GK: variants seen among roughly 807,000 people sequenced by gnomAD.
GK encodes the protein ATP:glycerol 3-phosphotransferase.
GK carries 9 observed loss-of-function variants against 56.4 expected under a neutral mutation model. That is an observed-to-expected ratio of 0.16 (90% CI 0.10 to 0.28). The LOEUF (loss-of-function observed/expected upper bound fraction) is 0.28, where lower values mean the gene tolerates loss of function less well. Among genes scored for constraint, GK ranks in the 10% least tolerant of loss-of-function variants. GK has a pLI of 1.00. For synonymous variants in GK, 104 were observed against 144.1 expected, an observed-to-expected ratio of 0.72 and a Z score of 1.99; for missense variants, 161 against 431.4, an observed-to-expected ratio of 0.37 and a Z score of 5.55.
At chrX:30,712,489 TAATA>T (rs1936373180) in intron 13 of GK, among the ~76,000 whole-genome samples, 1 of 110,729 alleles carries the variant, frequency 9.0e-6, no homozygotes, top group African/African-American at 3.3e-5. Flanking sequence ...TCATCTTATT[TAATA>T]TTTTCATTTC....
chrX:30,688,047 T>TAAATA (rs1934718836), intron 4 of GK, among the ~76,000 whole-genome samples: 1 of 112,147 alleles, frequency 8.9e-6, no homozygotes, highest in South Asian at 3.7e-4. Context: ...AGAGACCATC[T>TAAATA]AGTCCAGCCT....
chrX:30,726,986 A>G (rs1451724463), intron 19 of GK, among the ~76,000 whole-genome samples: 1 of 112,670 alleles, frequency 8.9e-6, no homozygotes, highest in Admixed American at 9.4e-5. Flanking sequence ...ACCAAATTCT[A>G]TTAAAAAAAT....
chrX:30,672,774 A>C (rs966007264), intron 3 of GK, among the ~76,000 whole-genome samples: 1 of 111,365 alleles, frequency 9.0e-6, no homozygotes, highest in Admixed American at 9.5e-5. Context: ...AGATCGCGCC[A>C]CTGCACTCCA....
At chrX:30,697,078 T>C (rs1935286136) in intron 8 of GK, among the ~76,000 whole-genome samples, 2 of 112,955 alleles carry the variant, frequency 1.8e-5, no homozygotes, top group Non-Finnish European at 3.7e-5. Flanking sequence ...CTATGTTATA[T>C]ATTAGATTCT....
intron 4 of GK, chrX:30,689,740 A>G: frequency 3.9e-6 from 1 of 256,532 alleles, no homozygotes; most frequent in Non-Finnish European, 7.5e-6. Flanking sequence ...AGTAAGATCA[A>G]ATCTCAGGTA....
chrX:30,668,144 C>T, intron 3 of GK, 26 bp downstream of exon 3: 1 of 745,556 alleles, frequency 1.3e-6, no homozygotes, highest in Non-Finnish European at 2.1e-6. Context: ...ATTTTACCCA[C>T]ATAATAAGAC....
chrX:30,674,334 G>A (rs1297290087), intron 3 of GK: 4 of 331,035 alleles, frequency 1.2e-5, no homozygotes, highest in African/African-American at 2.6e-5. Flanking sequence ...GGAGAAAGTT[G>A]AGGGTCTGCG....
chrX:30,684,659 T>C (rs1601902195), intron 4 of GK, among the ~76,000 whole-genome samples: 3 of 27,622 alleles, frequency 1.1e-4, no homozygotes, highest in Admixed American at 6.8e-4. Context: ...AGAGCAAAAC[T>C]CCATCTCAAA....
chrX:30,727,415 C>A, intron 19 of GK, 51 bp from the exon 20 acceptor site: 1 of 695,217 alleles, frequency 1.4e-6, no homozygotes, highest in Non-Finnish European at 2.3e-6. Flanking sequence ...AATTATGTGT[C>A]TCTCTTTTGG....
At chrX:30,653,858 C>G (rs1932037413) in intron 1 of GK, among the ~76,000 whole-genome samples, 3 of 112,594 alleles carry the variant, frequency 2.7e-5, no homozygotes, top group African/African-American at 9.7e-5. Context: ...GGAGCTGGGT[C>G]ACCTACTAAT....
At chrX:30,721,712 G>A (rs1041074049) in intron 18 of GK, 21 of 111,509 alleles carry the variant, frequency 1.9e-4, no homozygotes, top group African/African-American at 3.9e-4. Flanking sequence ...AATTAGCTGG[G>A]TTAAGAGACA....
intron 4 of GK, 93 bp downstream of exon 4, chrX:30,677,545 C>T (rs1158762514): frequency 5.9e-5 from 35 of 595,086 alleles, no homozygotes; most frequent in Non-Finnish European, 8.3e-5. Flanking sequence ...AGCATGCAGT[C>T]GCCAGGCATG....
intron 1 of GK, among the ~76,000 whole-genome samples, chrX:30,656,832 G>A (rs1021257286): frequency 8.9e-6 from 1 of 112,191 alleles, no homozygotes; most frequent in African/African-American, 3.2e-5. Flanking sequence ...TCTTTAATAA[G>A]TTAACTGAAT....
chrX:30,726,743 G>T (rs919239999), intron 19 of GK, among the ~76,000 whole-genome samples: 1 of 111,154 alleles, frequency 9.0e-6, no homozygotes, highest in African/African-American at 3.3e-5. Context: ...TATGATAATA[G>T]CAATATAGAT....
intron 1 of GK, among the ~76,000 whole-genome samples, chrX:30,658,866 A>C (rs906944626): frequency 8.9e-6 from 1 of 112,644 alleles, no homozygotes; most frequent in Non-Finnish European, 1.9e-5. Context: ...ACATGAACCA[A>C]CATTAGCAGC....
chrX:30,676,566 C>T (rs1773729032), intron 3 of GK, among the ~76,000 whole-genome samples: 1 of 111,521 alleles, frequency 9.0e-6, no homozygotes, highest in African/African-American at 3.3e-5. Flanking sequence ...CATACCAATG[C>T]TCACATCCCA....
chrX:30,655,324 A>G (rs780764384), intron 1 of GK, among the ~76,000 whole-genome samples: 3 of 112,324 alleles, frequency 2.7e-5, no homozygotes, highest in African/African-American at 3.2e-5. Context: ...ACATGTGCCA[A>G]CTAACTGTGG....
chrX:30,658,164 A>G (rs1244493977), intron 1 of GK, among the ~76,000 whole-genome samples: 1 of 112,075 alleles, frequency 8.9e-6, no homozygotes, highest in East Asian at 2.8e-4. Context: ...AGGCTTACAG[A>G]TGGATTTCCT....
At chrX:30,693,814 G>A (rs765950105) in intron 5 of GK, among the ~76,000 whole-genome samples, 25 of 111,725 alleles carry the variant, frequency 2.2e-4, no homozygotes, top group Non-Finnish European at 3.8e-4. Flanking sequence ...CTCCCAAAGT[G>A]TTGGGATTAC....
Sources: allele counts gnomAD v4.1 joint callset (sites outside exome capture counted in the v4.1 genomes callset), GRCh38; gene constraint gnomAD v4.1.1; transcripts MANE v1.5; gene names NCBI Gene and HGNC (gene_info 2026-07-23, HGNC 2026-07-21).